The following OR2T6 variants were observed in gnomAD, a reference collection of about 807,000 sequenced individuals.
OR2T6 encodes olfactory receptor 2T6.
For missense variants in OR2T6, 424 were observed against 391.6 expected (o/e 1.08, Z -0.70); for synonymous variants, 174 against 148.0 (o/e 1.18, Z -1.27).
rs74496056 is a variant in OR2T6, at chr1:248,379,616, T to C, written c.-159+3562T>C. Among the ~76,000 whole-genome samples the C allele has an allele frequency of 8.7e-3, 1,322 of 152,312 alleles. 15 individuals are homozygous for C. Among genetic ancestry groups the C allele is most frequent in the African/African-American group, 0.03 (1,244 of 41,572 alleles). ...CTGAGTTCAATAATTAATATTCATT[T>C]GGGAAATATTTATATATGTGAACTT... On this transcript the variant is annotated intron_variant, in intron 1 of 2. Coordinates refer to ENST00000641644, the MANE Select transcript of OR2T6 (RefSeq NM_001005471.2).
chr1:248,381,756 T>A (rs1661037538), intron 1 of OR2T6, among the ~76,000 whole-genome samples: 1 of 151,982 alleles, frequency 6.6e-6, no homozygotes, highest in South Asian at 2.1e-4. Flanking sequence ...ATATATATAT[T>A]TAACCTGAAT....
In OR2T6 at chr1:248,389,890, AGGCCGGG is replaced by A. The variant is rs1661219432; in HGVS notation, c.*1356_*1362del. 1 of 152,254 alleles carries A rather than the reference AGGCCGGG, an allele frequency of 6.6e-6. No homozygotes were observed. The highest frequency in any genetic ancestry group is 1.5e-5 in the Non-Finnish European group (1 of 68,054). 9.4% of individuals were successfully genotyped at this position (152,254 alleles called of 1,614,324 possible). ...AAGAAGAGAAAAGCGGTCCTGGTCC[AGGCCGGG>A]TGGTCCACTGGTCTTGCAAGAAAGA... is the stretch of plus-strand genomic sequence containing the variant. On this transcript the variant is annotated 3_prime_UTR_variant, in exon 3 of 3. Coordinates refer to ENST00000641644, the MANE Select transcript of OR2T6 (RefSeq NM_001005471.2).
intron 1 of OR2T6, among the ~76,000 whole-genome samples, chr1:248,377,474 T>C (rs1660955796): frequency 6.6e-6 from 1 of 152,174 alleles, no homozygotes; most frequent in African/African-American, 2.4e-5. Context: ...CTCAAAGAGC[T>C]CATATTATAT....
chr1:248,376,199 T>C (rs1180011505), intron 1 of OR2T6, 145 bp downstream of exon 1: 1 of 152,198 alleles, frequency 6.6e-6, no homozygotes, highest in African/African-American at 2.4e-5. Context: ...CATGTTCAGT[T>C]CCCACAAATG....
intron 2 of OR2T6, among the ~76,000 whole-genome samples, chr1:248,385,365 C>T (rs1661120420): frequency 6.6e-6 from 1 of 152,184 alleles, no homozygotes; most frequent in African/African-American, 2.4e-5. Context: ...AAACAGGCCA[C>T]CCTGGAGAAT....
chr1:248,380,461 C>A (rs1306517414), intron 1 of OR2T6, among the ~76,000 whole-genome samples: 2 of 151,826 alleles, frequency 1.3e-5, no homozygotes, highest in African/African-American at 4.8e-5. Context: ...ATTTTAAAAT[C>A]CATTAATATC....
chr1:248,385,073 TC>T lies in OR2T6; in HGVS notation c.-5+210del, dbSNP rs374291591. Among the ~76,000 whole-genome samples the T allele has an allele frequency of 5.2e-3, 799 of 152,222 alleles. 5 individuals carry two copies. Among genetic ancestry groups the T allele is most frequent in the African/African-American group, 0.018 (728 of 41,540 alleles). On this transcript the variant is annotated intron_variant, in intron 2 of 2. Coordinates refer to ENST00000641644, the MANE Select transcript of OR2T6 (RefSeq NM_001005471.2). The stretch of plus-strand genomic sequence containing the variant: ...TCTACTTGCAAAACTCTACCCTTTT[TC>T]TCCATAATTTCTTGGCTAGGGGAGG...
rs987730197 is a variant in OR2T6, at chr1:248,388,765, T to C, written c.*230T>C. ...CTAGAAACACCACTCATGTTTATTC[T>C]TCTTTTGTTTCTACTGATTCCAAGT... On this transcript the variant is annotated 3_prime_UTR_variant, in exon 3 of 3. Transcript: ENST00000641644. The C allele has an allele frequency of 9.1e-6, 4 of 440,024 alleles. No homozygotes were observed. Among genetic ancestry groups the C allele is most frequent in the Non-Finnish European group, 1.6e-5 (4 of 251,082 alleles). The allele number at this position is 440,024 out of a possible 1,614,324, so 27.3% of individuals were successfully genotyped here.
chr1:248,381,274 CAT>C (rs1311994782), intron 1 of OR2T6, among the ~76,000 whole-genome samples: 1 of 146,948 alleles, frequency 6.8e-6, no homozygotes, highest in Non-Finnish European at 1.5e-5. Context: ...GTGTTGGAGT[CAT>C]AGGCTCCAGA....
chr1:248,380,121 A>G (rs1661006366), intron 1 of OR2T6, among the ~76,000 whole-genome samples: 1 of 151,942 alleles, frequency 6.6e-6, no homozygotes, highest in Non-Finnish European at 1.5e-5. Context: ...TTATATATGC[A>G]TATTAAGAAT....
intron 1 of OR2T6, among the ~76,000 whole-genome samples, chr1:248,381,716 A>G (rs1440953265): frequency 2.0e-5 from 3 of 152,038 alleles, no homozygotes; most frequent in African/African-American, 7.2e-5. Flanking sequence ...TCTATGCAAT[A>G]AGGCAATCAT....
chr1:248,387,585 T>C lies in OR2T6; in HGVS notation c.-4-20T>C. Reference sequence around the variant, plus strand: ...TTCATTGACCCTGCTTCTCTTCTTATGCCTCCATTTCAAACTCAGTACCAT... The same window carrying C: ...TTCATTGACCCTGCTTCTCTTCTTACGCCTCCATTTCAAACTCAGTACCAT... On this transcript the variant is annotated intron_variant, in intron 2 of 2. Transcript: ENST00000641644. 2 of 1,428,978 alleles carry C rather than the reference T, an allele frequency of 1.4e-6. No homozygotes were observed. The highest frequency in any genetic ancestry group is 1.8e-4 in the Middle Eastern group (1 of 5,488). The allele number at this position is 1,428,978 out of a possible 1,614,324, so 88.5% of individuals were successfully genotyped here. A position where few individuals can be genotyped will look rare whatever the true frequency, so the allele number is the denominator to read the frequency against.
At chr1:248,378,745 C>T (rs1482438552) in intron 1 of OR2T6, among the ~76,000 whole-genome samples, 1 of 152,188 alleles carries the variant, frequency 6.6e-6, no homozygotes, top group African/African-American at 2.4e-5. Context: ...AATTTATAAT[C>T]ATTTTGACAA....
rs774773163 is a variant in OR2T6, at chr1:248,387,773, C to T, written c.165C>T (p.Leu55=). The T allele has an allele frequency of 8.1e-6, 13 of 1,613,188 alleles. No homozygotes were observed. Among genetic ancestry groups the T allele is most frequent in the Middle Eastern group, 1.6e-4 (1 of 6,080 alleles). The part of the protein sequence containing the change: ...MIFLINIDPH[L]HTPMYFLLSH... The stretch of plus-strand genomic sequence containing the variant: ...TCCTGATTAACATAGACCCTCATCT[C>T]CACACCCCCATGTACTTCCTCCTCA... Residue 55 remains leucine (L), a synonymous_variant, in exon 3 of 3, where the codon CTC becomes CTT. Coordinates refer to ENST00000641644, the MANE Select transcript of OR2T6 (RefSeq NM_001005471.2).
chr1:248,390,851 A>G lies in OR2T6; in HGVS notation c.*2316A>G, dbSNP rs1416684680. ...CAATCATACAATGCTTCTGAGGACC[A>G]ACTTTCTTTTTTATAAAATTTGACT... is the stretch of plus-strand genomic sequence containing the variant. On this transcript the variant is annotated 3_prime_UTR_variant, in exon 3 of 3. Transcript: ENST00000641644. The G allele has an allele frequency of 6.6e-6, 1 of 152,224 alleles. No individual in the cohort carries two copies. Among genetic ancestry groups the G allele is most frequent in the Non-Finnish European group, 1.5e-5 (1 of 68,036 alleles). The allele number at this position is 152,224 out of a possible 1,614,324, so 9.4% of individuals were successfully genotyped here. A position where few individuals can be genotyped will look rare whatever the true frequency, so the allele number is the denominator to read the frequency against.
Position 248,391,316 on chromosome 1 carries a change from A to T in OR2T6, c.*2781A>T, listed in dbSNP as rs550048489. The T allele has an allele frequency of 2.6e-5, 4 of 152,346 alleles. No individual in the cohort carries two copies. In the South Asian group the frequency reaches 8.3e-4, roughly 32 times the overall value. 9.4% of individuals were successfully genotyped at this position (152,346 alleles called of 1,614,324 possible). ...ATGATTTATCAAGCCATTGGAAGACATGGAGGAAATTTAAATGTATATTGT... is the reference window on the plus strand; with the variant it reads ...ATGATTTATCAAGCCATTGGAAGACTTGGAGGAAATTTAAATGTATATTGT... On this transcript the variant is annotated 3_prime_UTR_variant, in exon 3 of 3. Coordinates refer to ENST00000641644, the MANE Select transcript of OR2T6 (RefSeq NM_001005471.2).
rs1448610730 is a variant in OR2T6 at position 248,387,616 on chromosome 1, A to G, written c.8A>G (p.Glu3Gly). 1 of 1,573,962 alleles carries G rather than the reference A, an allele frequency of 6.4e-7. No homozygotes were observed. The highest frequency in any genetic ancestry group is 2.3e-5 in the East Asian group (1 of 44,174). MN[E>G]NNETLTRGFT... is the part of the protein sequence containing the mutation. ...CATTTCAAACTCAGTACCATGAATG[A>G]AAACAATGAAACCTTGACCAGAGGC... Residue 3 changes from glutamate (E) to glycine (G), a missense_variant, in exon 3 of 3, where the codon GAA (glutamate) becomes GGA (glycine). Physicochemically the swap from Glu to Gly is moderately conservative, Grantham distance 98 (BLOSUM62 -2). Coordinates refer to ENST00000641644, the MANE Select transcript of OR2T6 (RefSeq NM_001005471.2).
At chr1:248,377,964 G>T (rs1164156709) in intron 1 of OR2T6, among the ~76,000 whole-genome samples, 1 of 152,162 alleles carries the variant, frequency 6.6e-6, no homozygotes, top group African/African-American at 2.4e-5. Flanking sequence ...TACATGAAAA[G>T]ACAACTAAGC....
intron 1 of OR2T6, among the ~76,000 whole-genome samples, chr1:248,379,015 A>T (rs551981453): frequency 6.6e-6 from 1 of 152,236 alleles, no homozygotes; most frequent in Admixed American, 6.5e-5. Context: ...TCTACAAAAA[A>T]TACAAAAACA....
Sources: allele counts gnomAD v4.1 joint callset (sites outside exome capture counted in the v4.1 genomes callset), GRCh38; gene constraint gnomAD v4.1.1; transcripts MANE v1.5; gene names NCBI Gene and HGNC (gene_info 2026-07-23, HGNC 2026-07-21).